SCFD2: variants seen among roughly 807,000 people sequenced by gnomAD.
SCFD2 encodes the protein sec1 family domain containing 2, also known as sec1 family domain-containing protein 2.
SCFD2 carries 54 observed loss-of-function variants against 58.9 expected under a neutral mutation model. The observed-to-expected ratio is 0.92, with a 90% CI of 0.74 to 1.15. SCFD2 has a LOEUF of 1.15. Among genes scored for constraint, SCFD2 ranks in the 50% most tolerant of loss-of-function variants. The pLI is 0.00. For missense variants in SCFD2, 805 were observed against 836.6 expected, an observed-to-expected ratio of 0.96 and a Z score of 0.47; for synonymous variants, 321 against 335.9, an observed-to-expected ratio of 0.96 and a Z score of 0.49.
At chr4:52,932,352 T>A (rs1251626159) in intron 5 of SCFD2, among the ~76,000 whole-genome samples, 1 of 152,200 alleles carries the variant, frequency 6.6e-6, no homozygotes, top group East Asian at 1.9e-4. Context: ...TAGAAAAGGA[T>A]GGAATCAGAA....
intron 4 of SCFD2, among the ~76,000 whole-genome samples, chr4:53,149,839 A>G (rs1726455003): frequency 6.6e-6 from 1 of 152,186 alleles, no homozygotes; most frequent in Admixed American, 6.5e-5. Flanking sequence ...ACATTCTACA[A>G]AATGCCTGGC....
At chr4:52,954,325 T>A (rs1720664282) in intron 5 of SCFD2, among the ~76,000 whole-genome samples, 1 of 152,104 alleles carries the variant, frequency 6.6e-6, no homozygotes, top group Non-Finnish European at 1.5e-5. Flanking sequence ...ATCAAGTATG[T>A]CTTTAGCCTC....
chr4:52,993,784 T>C (rs1041194395), intron 5 of SCFD2, among the ~76,000 whole-genome samples: 4 of 152,248 alleles, frequency 2.6e-5, no homozygotes, highest in Non-Finnish European at 1.5e-5. Flanking sequence ...CTAGCACAGG[T>C]ACTTTTCTTT....
intron 3 of SCFD2, among the ~76,000 whole-genome samples, chr4:53,277,378 A>C (rs1731359261): frequency 6.6e-6 from 1 of 152,222 alleles, no homozygotes; most frequent in Non-Finnish European, 1.5e-5. Flanking sequence ...ATTTATATAA[A>C]CACTGTACTG....
chr4:53,241,307 C>G (rs752013093), intron 4 of SCFD2, among the ~76,000 whole-genome samples: 30 of 152,288 alleles, frequency 2.0e-4, no homozygotes, highest in South Asian at 1.2e-3. Context: ...ATACCCATCC[C>G]CTAGGCTCAA....
Position 53,118,274 on chromosome 4 carries a change from G to T in SCFD2, c.1561+27059C>A, listed in dbSNP as rs145301750. Among the ~76,000 whole-genome samples the T allele has an allele frequency of 1.3e-4, 20 of 152,306 alleles. 2 individuals are homozygous for T. Among genetic ancestry groups the T allele is most frequent in the African/African-American group, 4.8e-4 (20 of 41,566 alleles). The stretch of plus-strand genomic sequence containing the variant: ...CTGCCTGGCACATAGTAGGTGCTCA[G>T]TAAATAAGGGACAACTGATGAAATG... On this transcript the variant is annotated intron_variant, in intron 5 of 8. Transcript: ENST00000401642.
chr4:53,167,355 T>C (rs1327916790), intron 4 of SCFD2, among the ~76,000 whole-genome samples: 2 of 152,216 alleles, frequency 1.3e-5, no homozygotes, highest in Non-Finnish European at 2.9e-5. Flanking sequence ...ATTTTCTCAT[T>C]AGGCTAATGT....
chr4:53,300,871 G>A (rs1283925995), intron 3 of SCFD2, among the ~76,000 whole-genome samples: 1 of 152,132 alleles, frequency 6.6e-6, no homozygotes, highest in African/African-American at 2.4e-5. Flanking sequence ...ATGAAATGAA[G>A]GCAGAAATAA....
chr4:53,124,072 T>A (rs1442825809), intron 5 of SCFD2, among the ~76,000 whole-genome samples: 1 of 152,188 alleles, frequency 6.6e-6, no homozygotes, highest in Non-Finnish European at 1.5e-5. Context: ...GGGTCAGGGC[T>A]TTGTCCTATT....
intron 3 of SCFD2, among the ~76,000 whole-genome samples, chr4:53,309,075 G>C (rs1277874464): frequency 2.0e-5 from 3 of 151,964 alleles, no homozygotes; most frequent in Non-Finnish European, 2.9e-5. Flanking sequence ...GGAGGTTGCA[G>C]TGAGCCGAGA....
intron 4 of SCFD2, among the ~76,000 whole-genome samples, chr4:53,263,428 T>A (rs1730887312): frequency 6.6e-6 from 1 of 152,190 alleles, no homozygotes; most frequent in Admixed American, 6.5e-5. Flanking sequence ...GATTATTTCG[T>A]CTCATGGGGT....
chr4:53,044,061 T>G (rs553735824), intron 5 of SCFD2, among the ~76,000 whole-genome samples: 1 of 152,236 alleles, frequency 6.6e-6, no homozygotes, highest in Admixed American at 6.5e-5. Flanking sequence ...GTCACCCCAT[T>G]GGCATCCTCC....
chr4:53,272,193 G>T (rs1291709425), intron 4 of SCFD2, among the ~76,000 whole-genome samples: 2 of 152,142 alleles, frequency 1.3e-5, no homozygotes, highest in Admixed American at 6.5e-5. Context: ...TCATTAAAAA[G>T]TCAGGAAACA....
At chr4:53,164,365 T>C (rs1334611145) in intron 4 of SCFD2, among the ~76,000 whole-genome samples, 1 of 152,120 alleles carries the variant, frequency 6.6e-6, no homozygotes, top group African/African-American at 2.4e-5. Context: ...CAGGACAACC[T>C]TGACATGGTT....
chr4:53,126,205 T>A (rs1725622255), intron 5 of SCFD2, among the ~76,000 whole-genome samples: 1 of 152,200 alleles, frequency 6.6e-6, no homozygotes, highest in Admixed American at 6.5e-5. Flanking sequence ...TTGCCAGTAC[T>A]ACCTTAGATG....
At chr4:52,964,270 TGTTA>T (rs1720913118) in intron 5 of SCFD2, among the ~76,000 whole-genome samples, 1 of 152,210 alleles carries the variant, frequency 6.6e-6, no homozygotes, top group Non-Finnish European at 1.5e-5. Flanking sequence ...TTCTGCCTAT[TGTTA>T]GTTGCTTAAG....
intron 4 of SCFD2, among the ~76,000 whole-genome samples, chr4:53,152,545 T>C (rs992624271): frequency 1.3e-5 from 2 of 152,148 alleles, no homozygotes; most frequent in Non-Finnish European, 2.9e-5. Flanking sequence ...TTCTTAGGTA[T>C]AGGGGTTTCA....
intron 5 of SCFD2, among the ~76,000 whole-genome samples, chr4:52,983,133 T>C (rs1261688071): frequency 3.9e-5 from 6 of 152,148 alleles, no homozygotes; most frequent in Non-Finnish European, 8.8e-5. Context: ...GCTTGCCAGA[T>C]AACATAATCT....
At chr4:52,947,096 C>T (rs899031596) in intron 5 of SCFD2, among the ~76,000 whole-genome samples, 1 of 152,136 alleles carries the variant, frequency 6.6e-6, no homozygotes, top group African/African-American at 2.4e-5. Flanking sequence ...TTTCTTCTCC[C>T]TAATTACATA....
Sources: allele counts gnomAD v4.1 joint callset (sites outside exome capture counted in the v4.1 genomes callset), GRCh38; gene constraint gnomAD v4.1.1; transcripts MANE v1.5; gene names NCBI Gene and HGNC (gene_info 2026-07-23, HGNC 2026-07-21).